Variants in ANO2 observed in about 807,000 individuals in gnomAD.
ANO2 encodes anoctamin-2.
In ANO2, 101 loss-of-function variants were observed where a neutral mutation model predicts 124.2. The ratio of observed to expected loss-of-function variants is 0.81; its 90% confidence interval spans 0.69 to 0.96. The LOEUF is 0.96. Among genes scored for constraint, ANO2 ranks in the 40% least tolerant of loss-of-function variants. The pLI, the probability that ANO2 is intolerant of heterozygous loss-of-function variation, is 0.00. For synonymous variants in ANO2, 486 were observed against 482.5 expected, an observed-to-expected ratio of 1.01 and a Z score of -0.09; for missense variants, 1,293 against 1,274.5, an observed-to-expected ratio of 1.01 and a Z score of -0.22.
chr12:5,871,278 A>G (rs752815571), intron 3 of ANO2, among the ~76,000 whole-genome samples: 5 of 152,234 alleles, frequency 3.3e-5, no homozygotes, highest in Non-Finnish European at 4.4e-5. Flanking sequence ...GGGGATATTT[A>G]TATTTTTTGA....
chr12:5,752,241 GGAGACT>G (rs1361550220), intron 10 of ANO2, among the ~76,000 whole-genome samples: 1 of 152,112 alleles, frequency 6.6e-6, no homozygotes, highest in African/African-American at 2.4e-5. Flanking sequence ...CATCCAAAAG[GGAGACT>G]GTTGAATCAA....
chr12:5,641,267 T>C (rs947131286), intron 15 of ANO2, among the ~76,000 whole-genome samples: 2 of 152,184 alleles, frequency 1.3e-5, no homozygotes, highest in East Asian at 1.9e-4. Context: ...GAGAAATACC[T>C]AATGTAAATG....
intron 9 of ANO2, among the ~76,000 whole-genome samples, chr12:5,805,845 T>C (rs1307000616): frequency 6.6e-6 from 1 of 152,200 alleles, no homozygotes; most frequent in East Asian, 1.9e-4. Flanking sequence ...TCAGAACAGT[T>C]GGCATTGTGG....
rs963367562 is a variant in ANO2 at position 5,922,560 on chromosome 12, C to T, written c.207+60G>A. The T allele has an allele frequency of 2.7e-6, 4 of 1,478,920 alleles. No homozygotes were observed. In the African/African-American group the frequency reaches 4.2e-5, roughly 16 times the overall value. The allele number at this position is 1,478,920 out of a possible 1,614,324, so 91.6% of individuals were successfully genotyped here. Reference sequence around the variant, plus strand: ...TGGAGGATCCCCCAGACCAGAGGCTCCTTGGTGGCCTGCAACAGGGCTGGC... The same window carrying T: ...TGGAGGATCCCCCAGACCAGAGGCTTCTTGGTGGCCTGCAACAGGGCTGGC... On this transcript the variant is annotated intron_variant, in intron 2 of 24. Coordinates refer to ENST00000682330, the MANE Select transcript of ANO2 (RefSeq NM_001364791.2).
chr12:5,622,461 G>A (rs141665764), intron 16 of ANO2, among the ~76,000 whole-genome samples: 18 of 152,294 alleles, frequency 1.2e-4, no homozygotes, highest in African/African-American at 3.6e-4. Flanking sequence ...AAATCAGCTC[G>A]GTGCCCCAGC....
intron 3 of ANO2, 61 bp from the exon 4 acceptor site, chr12:5,854,202 G>T: frequency 6.8e-7 from 1 of 1,467,224 alleles, no homozygotes; most frequent in Non-Finnish European, 9.5e-7. Context: ...TAAACTCCTG[G>T]TTCTTCAACT....
chr12:5,666,852 GC>G (rs2136981186), intron 14 of ANO2, among the ~76,000 whole-genome samples: 1 of 148,938 alleles, frequency 6.7e-6, no homozygotes, highest in African/African-American at 2.5e-5. Context: ...TGGGGCTTTG[GC>G]CGTTGGACAA....
At chr12:5,742,129 C>T (rs562333606) in intron 12 of ANO2, among the ~76,000 whole-genome samples, 1 of 152,148 alleles carries the variant, frequency 6.6e-6, no homozygotes, top group Non-Finnish European at 1.5e-5. Context: ...GACTCCACAC[C>T]GCCCCTTCCG....
At chr12:5,702,211 G>A (rs1949430304) in intron 14 of ANO2, among the ~76,000 whole-genome samples, 1 of 151,960 alleles carries the variant, frequency 6.6e-6, no homozygotes, top group African/African-American at 2.4e-5. Flanking sequence ...AAATCAGCAG[G>A]TATACAGAAG....
intron 10 of ANO2, among the ~76,000 whole-genome samples, chr12:5,792,182 C>G (rs1289546235): frequency 1.3e-5 from 2 of 152,162 alleles, no homozygotes; most frequent in East Asian, 3.8e-4. Context: ...GGAAACAAAT[C>G]TGGAGGTAAA....
intron 22 of ANO2, 80 bp downstream of exon 22, chr12:5,577,875 C>G (rs1450050408): frequency 7.0e-7 from 1 of 1,434,086 alleles, no homozygotes; most frequent in Non-Finnish European, 9.6e-7. Flanking sequence ...GGTGCAAGGG[C>G]TGGCTTCCCA....
rs558036320 is a variant in ANO2, at chr12:5,819,400, T to C, written c.892+8369A>G. 5.9e-5 allele frequency among the ~76,000 whole-genome samples: 9 copies of C among 152,308 alleles called. No homozygotes were observed. In the South Asian group the frequency reaches 8.3e-4, roughly 14 times the overall value. ...ATATGGGATAATGGTGGAAGGAACA[T>C]AGAGTTGGATCAGGCTAAATTTATT... On this transcript the variant is annotated intron_variant, in intron 7 of 24. Coordinates refer to ENST00000682330, the MANE Select transcript of ANO2 (RefSeq NM_001364791.2).
intron 14 of ANO2, among the ~76,000 whole-genome samples, chr12:5,665,035 A>G (rs555401973): frequency 2.6e-5 from 4 of 152,044 alleles, no homozygotes; most frequent in Non-Finnish European, 4.4e-5. Context: ...TTCTTCAGGC[A>G]GCAAATAGTG....
chr12:5,842,775 A>G (rs1010968869), intron 4 of ANO2, among the ~76,000 whole-genome samples: 2 of 152,010 alleles, frequency 1.3e-5, no homozygotes, highest in Non-Finnish European at 2.9e-5. Context: ...CACGTAGTCA[A>G]CCGGGCCTGG....
At chr12:5,599,424 AC>A (rs1394861231) in intron 20 of ANO2, 59 bp downstream of exon 20, 1 of 1,539,368 alleles carries the variant, frequency 6.5e-7, no homozygotes, top group Non-Finnish European at 8.7e-7. Flanking sequence ...TCCCCCTTCA[AC>A]CCCACAGACC....
intron 14 of ANO2, among the ~76,000 whole-genome samples, chr12:5,715,061 T>C (rs1949967094): frequency 1.3e-5 from 2 of 152,102 alleles, no homozygotes; most frequent in Non-Finnish European, 2.9e-5. Flanking sequence ...TGTGGATTAA[T>C]AATATTTTCC....
At chr12:5,755,817 A>G (rs1326094360) in intron 10 of ANO2, among the ~76,000 whole-genome samples, 2 of 152,164 alleles carry the variant, frequency 1.3e-5, no homozygotes, top group Non-Finnish European at 2.9e-5. Context: ...TTCAATTTTA[A>G]GGTGACTCAG....
At chr12:5,805,795 G>A (rs1420954741) in intron 9 of ANO2, among the ~76,000 whole-genome samples, 1 of 152,154 alleles carries the variant, frequency 6.6e-6, no homozygotes, top group Non-Finnish European at 1.5e-5. Flanking sequence ...CCATGGGAGG[G>A]TGGGGTGAGG....
At chr12:5,599,120 A>C (rs1943805385) in intron 20 of ANO2, among the ~76,000 whole-genome samples, 1 of 152,226 alleles carries the variant, frequency 6.6e-6, no homozygotes, top group African/African-American at 2.4e-5. Flanking sequence ...CTATATTCTT[A>C]AATTTCAGAT....
Sources: gnomAD v4.1 joint callset for allele counts (sites outside exome capture counted in the v4.1 genomes callset) on GRCh38, gnomAD v4.1.1 for gene constraint, MANE v1.5 for transcripts, NCBI Gene and HGNC (gene_info 2026-07-23, HGNC 2026-07-21) for gene names.